The following GPBP1 variants were observed in gnomAD, a reference collection of about 807,000 sequenced individuals.
GPBP1 encodes vasculin.
In GPBP1, 13 loss-of-function variants were observed where a neutral mutation model predicts 56.5. The ratio of observed to expected loss-of-function variants is 0.23; its 90% CI spans 0.15 to 0.37. The LOEUF (loss-of-function observed/expected upper bound fraction) is 0.37, where lower values mean the gene tolerates loss of function less well. GPBP1 is among the 10% of genes least tolerant of loss of function. The probability of loss-of-function intolerance (pLI) is 1.00; values close to 1 mark genes in which losing one functional copy is unlikely to be tolerated. For missense variants in GPBP1, 477 were observed against 572.3 expected (o/e 0.83, Z 1.70); for synonymous variants, 204 against 188.9 (o/e 1.08, Z -0.66).
At chr5:57,196,620 C>A (rs909057174) in intron 2 of GPBP1, among the ~76,000 whole-genome samples, 1 of 152,070 alleles carries the variant, frequency 6.6e-6, no homozygotes, top group Non-Finnish European at 1.5e-5. Flanking sequence ...GACAAGGTCT[C>A]GCTCTGTCTT....
chr5:57,196,864 C>T (rs1259443402), intron 2 of GPBP1, among the ~76,000 whole-genome samples: 6 of 152,152 alleles, frequency 3.9e-5, no homozygotes, highest in Admixed American at 3.3e-4. Flanking sequence ...TCACTGTAAC[C>T]TCTGCCTCCT....
At chr5:57,254,234 C>T (rs537356971) in intron 10 of GPBP1, among the ~76,000 whole-genome samples, 78 of 152,328 alleles carry the variant, frequency 5.1e-4, no homozygotes, top group African/African-American at 1.9e-3. Flanking sequence ...CCACGCCCCT[C>T]GCTTTTTTTC....
At chr5:57,217,445 A>G (rs1331389678) in intron 3 of GPBP1, among the ~76,000 whole-genome samples, 1 of 152,100 alleles carries the variant, frequency 6.6e-6, no homozygotes, top group Non-Finnish European at 1.5e-5. Flanking sequence ...GGTGGTGCAT[A>G]CCTTAATCCC....
At chr5:57,181,497 G>A (rs1754046698) in intron 2 of GPBP1, among the ~76,000 whole-genome samples, 1 of 151,828 alleles carries the variant, frequency 6.6e-6, no homozygotes, top group Admixed American at 6.6e-5. Flanking sequence ...GAGGGGGCAG[G>A]GCATGGTGGC....
In GPBP1 at chr5:57,221,317, G is replaced by T. The variant is rs147499388; in HGVS notation, c.63+7124G>T. 2.4e-6 allele frequency: 3 copies of T among 1,228,132 alleles called. No homozygotes were observed. The East Asian group carries it at 1.4e-4, about 58-fold the overall frequency. The allele number at this position is 1,228,132 out of a possible 1,614,324, so 76.1% of individuals were successfully genotyped here. A position where few individuals can be genotyped will look rare whatever the true frequency, so the allele number is the denominator to read the frequency against. On this transcript the variant is annotated intron_variant, in intron 3 of 11. Transcript: ENST00000506184. Reference sequence around the variant, plus strand: ...TAGTTTTTTCTTTTGTGATTTTCTAGTTTTTTTAAATTCCATTAAATAATG... The same window carrying T: ...TAGTTTTTTCTTTTGTGATTTTCTATTTTTTTTAAATTCCATTAAATAATG...
chr5:57,206,024 C>G (rs1188966344), intron 2 of GPBP1, among the ~76,000 whole-genome samples: 1 of 152,170 alleles, frequency 6.6e-6, no homozygotes, highest in African/African-American at 2.4e-5. Context: ...CCTTGGCCTC[C>G]TAGAGTGCTG....
chr5:57,195,832 G>A (rs1405849739), intron 2 of GPBP1, among the ~76,000 whole-genome samples: 4 of 151,458 alleles, frequency 2.6e-5, no homozygotes, highest in Non-Finnish European at 5.9e-5. Context: ...ATGAAACCCC[G>A]TCTCTACTAA....
intron 2 of GPBP1, among the ~76,000 whole-genome samples, chr5:57,192,302 A>G (rs1754560475): frequency 6.6e-6 from 1 of 152,080 alleles, no homozygotes; most frequent in African/African-American, 2.4e-5. Flanking sequence ...ACTTCTGAGT[A>G]CTTAATTTGC....
intron 2 of GPBP1, among the ~76,000 whole-genome samples, chr5:57,183,190 A>G (rs1754134985): frequency 6.6e-6 from 1 of 151,820 alleles, no homozygotes; most frequent in South Asian, 2.1e-4. Context: ...ACATGGCGAA[A>G]CCCCGTCTCT....
chr5:57,193,965 A>C (rs1754640431), intron 2 of GPBP1, among the ~76,000 whole-genome samples: 1 of 152,202 alleles, frequency 6.6e-6, no homozygotes, highest in Non-Finnish European at 1.5e-5. Context: ...TGCGGAAACC[A>C]CTGTTAGTTT....
chr5:57,226,896 C>T (rs528383835), intron 3 of GPBP1, among the ~76,000 whole-genome samples: 8 of 151,726 alleles, frequency 5.3e-5, no homozygotes, highest in South Asian at 2.1e-4. Flanking sequence ...CCCGCCACCG[C>T]GCCTGACTAA....
At chr5:57,174,645 A>G (rs1753716155) in intron 1 of GPBP1, among the ~76,000 whole-genome samples, 2 of 151,950 alleles carry the variant, frequency 1.3e-5, no homozygotes, top group Admixed American at 1.3e-4. Context: ...GCAGCGCCTC[A>G]GCTTTCCCCG....
chr5:57,192,502 C>A (rs1354682605), intron 2 of GPBP1, among the ~76,000 whole-genome samples: 1 of 151,888 alleles, frequency 6.6e-6, no homozygotes, highest in African/African-American at 2.4e-5. Flanking sequence ...GCCTGTAATC[C>A]CAGCACTTTG....
chr5:57,214,266 G>A lies in GPBP1; in HGVS notation c.63+73G>A, dbSNP rs1357150459. On this transcript the variant is annotated intron_variant, in intron 3 of 11. Transcript: ENST00000506184. ...TTTTACACAAATGTAATTAAGTCAT[G>A]GAGGAGTAATAATATCTTTGCAGAG... The A allele has an allele frequency of 2.7e-5, 34 of 1,239,984 alleles. 2 individuals carry two copies. In the Admixed American group the frequency reaches 5.4e-4, roughly 20 times the overall value. The allele number at this position is 1,239,984 out of a possible 1,614,324, so 76.8% of individuals were successfully genotyped here.
intron 3 of GPBP1, among the ~76,000 whole-genome samples, chr5:57,228,753 T>C (rs891441269): frequency 1.3e-5 from 2 of 152,038 alleles, no homozygotes; most frequent in African/African-American, 4.8e-5. Context: ...CAAAAAAATT[T>C]TTAAAATGCT....
chr5:57,202,709 A>G (rs1755073162), intron 2 of GPBP1, among the ~76,000 whole-genome samples: 2 of 152,228 alleles, frequency 1.3e-5, no homozygotes, highest in Non-Finnish European at 2.9e-5. Context: ...AGGCAGCAAC[A>G]TTGCATTACA....
intron 2 of GPBP1, among the ~76,000 whole-genome samples, chr5:57,196,879 T>A (rs1177786798): frequency 1.3e-5 from 2 of 152,130 alleles, no homozygotes; most frequent in African/African-American, 2.4e-5. Flanking sequence ...CCTCCTGGGT[T>A]CATGCGATTC....
At chr5:57,259,922 C>G (rs1451686466) in intron 10 of GPBP1, among the ~76,000 whole-genome samples, 1 of 152,118 alleles carries the variant, frequency 6.6e-6, no homozygotes, top group African/African-American at 2.4e-5. Flanking sequence ...TTGACTGGTC[C>G]TCTTTTGCTT....
Position 57,176,246 on chromosome 5 carries a change from C to T in GPBP1, c.-212C>T, listed in dbSNP as rs1036989495. On this transcript the variant is annotated 5_prime_UTR_variant, in exon 2 of 12. Coordinates refer to ENST00000506184, the MANE Select transcript of GPBP1 (RefSeq NM_022913.4). ...AACTTTAAAACAGAAGTATGGGTAGCTGACTTGAAGTAACTCTATGTCAAA... is the reference window on the plus strand; with the variant it reads ...AACTTTAAAACAGAAGTATGGGTAGTTGACTTGAAGTAACTCTATGTCAAA... The T allele has an allele frequency of 5.3e-6, 2 of 377,438 alleles. No individual in the cohort carries two copies. The highest frequency in any genetic ancestry group is 9.4e-6 in the Non-Finnish European group (2 of 213,826). 23.4% of individuals were successfully genotyped at this position (377,438 alleles called of 1,614,324 possible).
Sources: allele counts gnomAD v4.1 joint callset (sites outside exome capture counted in the v4.1 genomes callset), GRCh38; gene constraint gnomAD v4.1.1; transcripts MANE v1.5; gene names NCBI Gene and HGNC (gene_info 2026-07-23, HGNC 2026-07-21).